The following CCDC127 variants were observed in gnomAD, a reference collection of about 807,000 sequenced individuals.
The protein encoded by CCDC127 is coiled-coil domain containing 127, also known as coiled-coil domain-containing protein 127.
A neutral mutation model predicts 4.1 loss-of-function variants in CCDC127; 2 were observed. The observed-to-expected ratio is 0.49, with a 90% CI of 0.20 to 1.53. The LOEUF (loss-of-function observed/expected upper bound fraction) is 1.53, where lower values mean the gene tolerates loss of function less well. Ranked by LOEUF, CCDC127 falls within the 40% of genes most tolerant of loss-of-function variation. The probability of loss-of-function intolerance (pLI) is 0.23; values close to 1 mark genes in which losing one functional copy is unlikely to be tolerated. For synonymous variants in CCDC127, 98 were observed against 120.4 expected (o/e 0.81, Z 1.22); for missense variants, 271 against 322.9 (o/e 0.84, Z 1.23).
At chr5:210,024 C>T (rs921860249) in intron 2 of CCDC127, among the ~76,000 whole-genome samples, 1 of 152,220 alleles carries the variant, frequency 6.6e-6, no homozygotes, top group Non-Finnish European at 1.5e-5. Flanking sequence ...TGTGTTCTCT[C>T]TCAGGTCAGG....
At position 203,372 on chromosome 5, in the gene CCDC127, T is replaced by G. The variant is rs1001575690; in HGVS notation, c.*1925A>C. 56 of 152,372 alleles carry G rather than the reference T, an allele frequency of 3.7e-4. No homozygotes were observed. Among genetic ancestry groups the G allele is most frequent in the African/African-American group, 1.3e-3 (55 of 41,582 alleles). 9.4% of individuals were successfully genotyped at this position (152,372 alleles called of 1,614,324 possible). On this transcript the variant is annotated 3_prime_UTR_variant, in exon 3 of 3. Coordinates refer to ENST00000296824, the MANE Select transcript of CCDC127 (RefSeq NM_145265.3). ...GCCATCACACCACTGCACTCCTGCC[T>G]GGGTGAAGCATCTGAGCACCCTTAG...
At chr5:208,325 T>C (rs1010590495) in intron 2 of CCDC127, among the ~76,000 whole-genome samples, 14 of 152,096 alleles carry the variant, frequency 9.2e-5, no homozygotes, top group African/African-American at 3.4e-4. Context: ...ATAGATCCCA[T>C]ACTTGGAGCT....
In CCDC127 at chr5:203,752, A is replaced by G. The variant is rs1734116115; in HGVS notation, c.*1545T>C. On this transcript the variant is annotated 3_prime_UTR_variant, in exon 3 of 3. Transcript: ENST00000296824. ...ACAGGTTACTCGCGGTTCTGGAGAA[A>G]AGGTGCCCGGGCTCAGACTGGCTCC... is the stretch of plus-strand genomic sequence containing the variant. 6.6e-6 allele frequency: 1 copy of G among 152,218 alleles called. No homozygotes were observed. The highest frequency in any genetic ancestry group is 2.4e-5 in the African/African-American group (1 of 41,446). 9.4% of individuals were successfully genotyped at this position (152,218 alleles called of 1,614,324 possible). A position where few individuals can be genotyped will look rare whatever the true frequency, so the allele number is the denominator to read the frequency against.
rs1255343809 is a variant in CCDC127 at position 200,443 on chromosome 5, G to C, written c.*4854C>G. On this transcript the variant is annotated 3_prime_UTR_variant, in exon 3 of 3. Transcript: ENST00000296824. ...GCTGGAGCAGGCCAGGCAGGGGGCA[G>C]GCTCAGGAGCTGTGGGAACCGCCCT... is the stretch of plus-strand genomic sequence containing the variant. 1 of 152,422 alleles carries C rather than the reference G, an allele frequency of 6.6e-6. No individual in the cohort carries two copies. The highest frequency in any genetic ancestry group is 1.5e-5 in the Non-Finnish European group (1 of 68,166). The allele number at this position is 152,422 out of a possible 1,614,324, so 9.4% of individuals were successfully genotyped here. A position where few individuals can be genotyped will look rare whatever the true frequency, so the allele number is the denominator to read the frequency against.
At chr5:213,707 T>G (rs1734322015) in intron 2 of CCDC127, among the ~76,000 whole-genome samples, 1 of 152,206 alleles carries the variant, frequency 6.6e-6, no homozygotes, top group Non-Finnish European at 1.5e-5. Flanking sequence ...CACCAAATAC[T>G]GACCAGGTGG....
intron 2 of CCDC127, among the ~76,000 whole-genome samples, chr5:211,187 G>A (rs77630710): frequency 0.014 from 1,135 of 79,674 alleles, no homozygotes; most frequent in South Asian, 0.022. Context: ...CGGGACAGCA[G>A]TGTGAGCACG....
chr5:197,082 T>C lies in CCDC127; in HGVS notation c.*8215A>G, dbSNP rs928966812. Reference sequence around the variant, plus strand: ...CGTAATTAAGTTCAAGGGAAGGTACTATGCCTGGACGTGCACGTAGGCCAG... The same window carrying C: ...CGTAATTAAGTTCAAGGGAAGGTACCATGCCTGGACGTGCACGTAGGCCAG... On this transcript the variant is annotated 3_prime_UTR_variant, in exon 3 of 3. Transcript: ENST00000296824. 9.9e-5 allele frequency: 14 copies of C among 141,260 alleles called. No homozygotes were observed. The highest frequency in any genetic ancestry group is 1.4e-4 in the African/African-American group (5 of 36,772). 8.8% of individuals were successfully genotyped at this position (141,260 alleles called of 1,614,324 possible). A position where few individuals can be genotyped will look rare whatever the true frequency, so the allele number is the denominator to read the frequency against.
intron 2 of CCDC127, among the ~76,000 whole-genome samples, chr5:208,059 A>G (rs1734213270): frequency 6.6e-6 from 1 of 152,146 alleles, no homozygotes; most frequent in Non-Finnish European, 1.5e-5. Flanking sequence ...ATGTCAGGAA[A>G]ACCTGAATTC....
At position 205,292 on chromosome 5, in the gene CCDC127, T is replaced by C; in HGVS notation, c.*5A>G. 1 of 1,597,680 alleles carries C rather than the reference T, an allele frequency of 6.3e-7. No individual in the cohort carries two copies. Among genetic ancestry groups the C allele is most frequent in the Non-Finnish European group, 8.5e-7 (1 of 1,169,732 alleles). ...CACTAAAAGCAGTTTGATTTCACTCTTGTCTTACTTTTCTAGTATGGCTTC... is the reference window on the plus strand; with the variant it reads ...CACTAAAAGCAGTTTGATTTCACTCCTGTCTTACTTTTCTAGTATGGCTTC... On this transcript the variant is annotated 3_prime_UTR_variant, in exon 3 of 3. Transcript: ENST00000296824.
intron 2 of CCDC127, among the ~76,000 whole-genome samples, chr5:207,658 G>C (rs1235538428): frequency 6.6e-6 from 1 of 152,188 alleles, no homozygotes; most frequent in East Asian, 1.9e-4. Flanking sequence ...GCTGCCTCTG[G>C]AAAGTCACAG....
chr5:205,508 A>C lies in CCDC127; in HGVS notation c.572T>G (p.Leu191Arg), dbSNP rs1259544110. 8 of 1,613,872 alleles carry C rather than the reference A, an allele frequency of 5.0e-6. No individual in the cohort carries two copies. The highest frequency in any genetic ancestry group is 6.8e-6 in the Non-Finnish European group (8 of 1,179,866). Residue 191 changes from leucine to arginine, a missense_variant, in exon 3 of 3, where the codon CTG becomes CGG. Coordinates refer to ENST00000296824, the MANE Select transcript of CCDC127 (RefSeq NM_145265.3). ...SKRLEIEKSLLVRASVDPVAA... is the reference protein window; with the variant it reads ...SKRLEIEKSLRVRASVDPVAA... ...GACGGGGTCGACGGACGCTCGCACC[A>C]GTAAGCTCTTCTCTATCTCCAGCCG...
Position 213,574 on chromosome 5 carries a change from C to T in CCDC127, c.121+3155G>A, listed in dbSNP as rs916091703. On this transcript the variant is annotated intron_variant, in intron 2 of 2. Transcript: ENST00000296824. ...GCCACGACGAGACAGCACCACACACCCATCAGGATGGGGCAGACGGGACAG... is the reference window on the plus strand; with the variant it reads ...GCCACGACGAGACAGCACCACACACTCATCAGGATGGGGCAGACGGGACAG... Among the ~76,000 whole-genome samples the T allele has an allele frequency of 8.1e-5, 12 of 149,024 alleles. 1 individual carries two copies. The highest frequency in any genetic ancestry group is 2.8e-4 in the African/African-American group (11 of 39,744).
intron 2 of CCDC127, among the ~76,000 whole-genome samples, chr5:209,777 C>G (rs1040685696): frequency 6.6e-6 from 1 of 152,234 alleles, no homozygotes; most frequent in African/African-American, 2.4e-5. Context: ...AGCACGGCCA[C>G]GTGGGGATTG....
intron 2 of CCDC127, among the ~76,000 whole-genome samples, chr5:207,936 G>A (rs907826424): frequency 1.3e-5 from 2 of 152,086 alleles, no homozygotes; most frequent in African/African-American, 4.8e-5. Context: ...ACGGTTAAAC[G>A]TCAGACCCCA....
In CCDC127 at chr5:205,809, C is replaced by T; in HGVS notation, c.271G>A (p.Glu91Lys). The T allele has an allele frequency of 6.2e-7, 1 of 1,614,128 alleles. No homozygotes were observed. The highest frequency in any genetic ancestry group is 8.5e-7 in the Non-Finnish European group (1 of 1,180,018). ...GTTCTGTTTTGTTCCTTTTCGAGTT[C>T]CAAGGACAACTGAGCGACAGCACGC... Reference protein sequence around the residue: ...NRRAVAQLSLELEKEQNRTAS... With the variant: ...NRRAVAQLSLKLEKEQNRTAS... Residue 91 changes from glutamate to lysine, a missense_variant, in exon 3 of 3, where the codon GAA (glutamate) becomes AAA (lysine). Transcript: ENST00000296824.
rs943082599 is a variant in CCDC127, at chr5:203,035, C to G, written c.*2262G>C. ...GGTGGATCACCTGAGGTCAGCAGTT[C>G]GAGACCAGCCTGGCCAACATGGTGA... On this transcript the variant is annotated 3_prime_UTR_variant, in exon 3 of 3. Coordinates refer to ENST00000296824, the MANE Select transcript of CCDC127 (RefSeq NM_145265.3). 1 of 152,034 alleles carries G rather than the reference C, an allele frequency of 6.6e-6. No individual in the cohort carries two copies. Among genetic ancestry groups the G allele is most frequent in the Non-Finnish European group, 1.5e-5 (1 of 68,040 alleles). The allele number at this position is 152,034 out of a possible 1,614,324, so 9.4% of individuals were successfully genotyped here. A position where few individuals can be genotyped will look rare whatever the true frequency, so the allele number is the denominator to read the frequency against.
intron 2 of CCDC127, among the ~76,000 whole-genome samples, chr5:210,472 C>A (rs543834719): frequency 6.6e-6 from 1 of 152,162 alleles, no homozygotes; most frequent in African/African-American, 2.4e-5. Flanking sequence ...TATTAGGAAA[C>A]GGCTGAAAGG....
rs577520850 is a variant in CCDC127 at position 196,886 on chromosome 5, G to A, written c.*8411C>T. The A allele has an allele frequency of 6.0e-5, 9 of 150,236 alleles. No homozygotes were observed. Among genetic ancestry groups the A allele is most frequent in the East Asian group, 1.9e-4 (1 of 5,138 alleles). 9.3% of individuals were successfully genotyped at this position (150,236 alleles called of 1,614,324 possible). ...CACAAAGTATAGAGAAACAACAGTG[G>A]GCCCAGGGGACCGGCGCTCAGCATA... On this transcript the variant is annotated 3_prime_UTR_variant, in exon 3 of 3. Transcript: ENST00000296824.
chr5:201,045 CCA>C lies in CCDC127; in HGVS notation c.*4250_*4251del, dbSNP rs1734067388. On this transcript the variant is annotated 3_prime_UTR_variant, in exon 3 of 3. Coordinates refer to ENST00000296824, the MANE Select transcript of CCDC127 (RefSeq NM_145265.3). ...CAGTGTCTACACAGCAGGCTGCCCCCCATCACAGCCAGCCAGTGTCTACACAG... is the reference window on the plus strand; with the variant it reads ...CAGTGTCTACACAGCAGGCTGCCCCCTCACAGCCAGCCAGTGTCTACACAG... The C allele has an allele frequency of 1.3e-5, 2 of 150,228 alleles. No homozygotes were observed. The highest frequency in any genetic ancestry group is 3.0e-5 in the Non-Finnish European group (2 of 67,586). The allele number at this position is 150,228 out of a possible 1,614,324, so 9.3% of individuals were successfully genotyped here.
Sources: allele counts gnomAD v4.1 joint callset (sites outside exome capture counted in the v4.1 genomes callset), GRCh38; gene constraint gnomAD v4.1.1; transcripts MANE v1.5; gene names NCBI Gene and HGNC (gene_info 2026-07-23, HGNC 2026-07-21).